EEA1: variants seen among roughly 807,000 people sequenced by gnomAD.
EEA1 encodes early endosome antigen 1.
Under a neutral mutation model 209.2 loss-of-function variants are expected in EEA1, and 111 were observed. The ratio of observed to expected loss-of-function variants is 0.53; its 90% CI spans 0.45 to 0.62. The LOEUF is 0.62. EEA1 is among the 20% of genes least tolerant of loss of function. The pLI is 0.00. For synonymous variants in EEA1, 536 were observed against 540.6 expected (o/e 0.99, Z 0.12); for missense variants, 1,343 against 1,530.8 (o/e 0.88, Z 2.05).
chr12:92,922,070 C>A (rs1007496272), intron 1 of EEA1, among the ~76,000 whole-genome samples: 1 of 152,106 alleles, frequency 6.6e-6, no homozygotes, highest in African/African-American at 2.4e-5. Flanking sequence ...TTGTCACATT[C>A]AGCGGCCACT....
chr12:92,880,060 T>C (rs1288868107), intron 2 of EEA1, among the ~76,000 whole-genome samples: 2 of 152,228 alleles, frequency 1.3e-5, no homozygotes, highest in Non-Finnish European at 2.9e-5. Flanking sequence ...TTCCCAAATG[T>C]AATCTACATG....
intron 8 of EEA1, among the ~76,000 whole-genome samples, chr12:92,851,675 T>G (rs568789196): frequency 6.6e-6 from 1 of 152,248 alleles, no homozygotes; most frequent in South Asian, 2.1e-4. Flanking sequence ...ATTTATATAT[T>G]TATTGAGAGC....
At position 92,819,828 on chromosome 12, in the gene EEA1, C is replaced by G. The variant is rs181914274; in HGVS notation, c.1525-317G>C. Among the ~76,000 whole-genome samples, 247 of 152,170 alleles carry G rather than the reference C, an allele frequency of 1.6e-3. 2 individuals carry two copies. Among genetic ancestry groups the G allele is most frequent in the Admixed American group, 0.012 (183 of 15,282 alleles). ...CAGACACATGAGACTCAATCTCATA[C>G]TAGGCACACTCCCACTTCAAAGCCT... On this transcript the variant is annotated intron_variant, in intron 13 of 28. Coordinates refer to ENST00000322349, the MANE Select transcript of EEA1 (RefSeq NM_003566.4).
At chr12:92,822,654 G>A (rs1474699277) in intron 13 of EEA1, among the ~76,000 whole-genome samples, 2 of 151,928 alleles carry the variant, frequency 1.3e-5, no homozygotes, top group Admixed American at 6.6e-5. Flanking sequence ...CTTAAGGGGT[G>A]GTGTTTCTCA....
intron 22 of EEA1, among the ~76,000 whole-genome samples, chr12:92,783,267 A>G (rs2136651629): frequency 6.6e-6 from 1 of 152,322 alleles, no homozygotes. Context: ...AGATACTGTC[A>G]GAATTAAATT....
chr12:92,888,900 G>A (rs763612703), intron 2 of EEA1, among the ~76,000 whole-genome samples: 7 of 151,832 alleles, frequency 4.6e-5, no homozygotes, highest in East Asian at 3.9e-4. Flanking sequence ...CTATAATCCC[G>A]GCACTTTGGG....
intron 2 of EEA1, chr12:92,883,795 A>C: frequency 2.6e-6 from 4 of 1,560,862 alleles, no homozygotes; most frequent in Non-Finnish European, 3.5e-6. Context: ...AGAGTCTCCT[A>C]AAGAGCCCGA....
At chr12:92,850,507 T>C (rs907008232) in intron 9 of EEA1, among the ~76,000 whole-genome samples, 12 of 151,896 alleles carry the variant, frequency 7.9e-5, no homozygotes, top group Admixed American at 7.9e-4. Context: ...CTGGCCAACA[T>C]GGTGAAGCCC....
chr12:92,915,213 T>C (rs1880721334), intron 1 of EEA1, among the ~76,000 whole-genome samples: 2 of 152,174 alleles, frequency 1.3e-5, no homozygotes, highest in Non-Finnish European at 2.9e-5. Context: ...GTGCATGTAA[T>C]CCCAGCACTT....
At chr12:92,790,699 T>G (rs765270011) in intron 21 of EEA1, among the ~76,000 whole-genome samples, 4 of 152,138 alleles carry the variant, frequency 2.6e-5, no homozygotes, top group Non-Finnish European at 2.9e-5. Context: ...AAAACACTCT[T>G]CAGGATATTA....
chr12:92,828,062 C>A lies in EEA1; in HGVS notation c.1255-1G>T. ...CTGTCTCCAGAAGTTTGCTATGTAACTTTAAAAAAAGAAAAAAAAATGTAT... is the reference window on the plus strand; with the variant it reads ...CTGTCTCCAGAAGTTTGCTATGTAAATTTAAAAAAAGAAAAAAAAATGTAT... On this transcript the variant is annotated splice_acceptor_variant, in intron 11 of 28. Coordinates refer to ENST00000322349, the MANE Select transcript of EEA1 (RefSeq NM_003566.4). LOFTEE classifies it high-confidence loss of function. 1 of 1,544,652 alleles carries A rather than the reference C, an allele frequency of 6.5e-7. No individual in the cohort carries two copies. The highest frequency in any genetic ancestry group is 2.3e-5 in the Admixed American group (1 of 44,174).
At chr12:92,780,504 T>C (rs1212739537) in intron 23 of EEA1, 93 bp from the exon 24 acceptor site, 3 of 920,464 alleles carry the variant, frequency 3.3e-6, no homozygotes, top group Non-Finnish European at 4.7e-6. Flanking sequence ...TTGATGACAC[T>C]GGCTCTGCCC....
In EEA1 at chr12:92,804,713, A is replaced by G. The variant is rs143218252; in HGVS notation, c.2340-1979T>C. ...AGAAAATATATTAAACTGCAGAGGA[A>G]TGAAAATACATTGTAAGATGGGAGG... On this transcript the variant is annotated intron_variant, in intron 18 of 28. Transcript: ENST00000322349. Among the ~76,000 whole-genome samples the G allele has an allele frequency of 1.1e-3, 171 of 152,292 alleles. 7 individuals are homozygous for G. The East Asian group carries it at 0.029, about 26-fold the overall frequency.
chr12:92,852,361 T>C (rs1298127591), intron 7 of EEA1, 65 bp from the exon 8 acceptor site: 2 of 1,132,836 alleles, frequency 1.8e-6, no homozygotes, highest in East Asian at 5.5e-5. Context: ...TTTCCATATA[T>C]TACTCTGCAT....
At chr12:92,856,399 G>T (rs925339318) in intron 5 of EEA1, among the ~76,000 whole-genome samples, 4 of 152,080 alleles carry the variant, frequency 2.6e-5, no homozygotes, top group Non-Finnish European at 5.9e-5. Flanking sequence ...TTTTGATACT[G>T]CAGTGATTTT....
At chr12:92,820,640 T>C (rs893969481) in intron 13 of EEA1, among the ~76,000 whole-genome samples, 1 of 151,962 alleles carries the variant, frequency 6.6e-6, no homozygotes, top group Non-Finnish European at 1.5e-5. Flanking sequence ...AAATACCTAA[T>C]GCATGCGGGG....
intron 23 of EEA1, 90 bp from the exon 24 acceptor site, chr12:92,780,501 C>T: frequency 1.1e-6 from 1 of 940,566 alleles, no homozygotes; most frequent in East Asian, 2.9e-5. Context: ...CTATTGATGA[C>T]ACTGGCTCTG....
At chr12:92,887,061 GAA>G (rs1003333414) in intron 2 of EEA1, among the ~76,000 whole-genome samples, 8 of 151,472 alleles carry the variant, frequency 5.3e-5, no homozygotes, top group African/African-American at 1.9e-4. Flanking sequence ...TTCTAGGAAT[GAA>G]AAAAAGACAT....
intron 11 of EEA1, among the ~76,000 whole-genome samples, chr12:92,831,607 TATAA>T (rs1565826183): frequency 1.4e-5 from 2 of 146,904 alleles, no homozygotes; most frequent in Non-Finnish European, 3.0e-5. Flanking sequence ...TTCATAAATA[TATAA>T]ATATATAATA....
Sources: allele counts gnomAD v4.1 joint callset (sites outside exome capture counted in the v4.1 genomes callset), GRCh38; gene constraint gnomAD v4.1.1; transcripts MANE v1.5; gene names NCBI Gene and HGNC (gene_info 2026-07-23, HGNC 2026-07-21).